IQSEC3: variants seen among roughly 807,000 people sequenced by gnomAD.
IQSEC3 encodes IQ motif and Sec7 domain ArfGEF 3.
IQSEC3 carries 50 observed loss-of-function variants against 105.4 expected under a neutral mutation model. The ratio of observed to expected loss-of-function variants is 0.47; its 90% CI spans 0.38 to 0.60. The LOEUF (loss-of-function observed/expected upper bound fraction) is 0.60. Ranked by LOEUF, IQSEC3 falls within the 20% of genes least tolerant of loss-of-function variation. The probability of loss-of-function intolerance (pLI) is 0.00; values close to 1 mark genes in which losing one functional copy is unlikely to be tolerated. For missense variants in IQSEC3, 1,415 were observed against 1,630.0 expected (o/e 0.87, Z 2.27); for synonymous variants, 708 against 746.0 (o/e 0.95, Z 0.83).
In IQSEC3 at chr12:153,473, G is replaced by GGAAGTGC. The variant is rs1486660384; in HGVS notation, c.2154-3551_2154-3545dup. On this transcript the variant is annotated intron_variant, in intron 5 of 13. Coordinates refer to ENST00000538872, the MANE Select transcript of IQSEC3 (RefSeq NM_001170738.2). ...GGTCCAACCCCCAGCTCTCCAGTGA[G>GGAAGTGC]GAAGTGCCTTCCTCAGGCAGGAGGG... 9.9e-5 allele frequency among the ~76,000 whole-genome samples: 15 copies of GGAAGTGC among 152,284 alleles called. No homozygotes were observed. The South Asian group carries it at 3.1e-3, about 32-fold the overall frequency.
chr12:167,049 C>T (rs1938689489), intron 11 of IQSEC3: 1 of 152,118 alleles, frequency 6.6e-6, no homozygotes, highest in Non-Finnish European at 1.5e-5. Flanking sequence ...AAAATGGGAT[C>T]CATCGGACTG....
chr12:85,238 T>G (rs1242370339), intron 1 of IQSEC3, among the ~76,000 whole-genome samples: 1 of 152,234 alleles, frequency 6.6e-6, no homozygotes, highest in African/African-American at 2.4e-5. Flanking sequence ...CATGCTGCCC[T>G]GGCGCTGTGA....
At chr12:85,672 AG>A (rs1238930339) in intron 1 of IQSEC3, among the ~76,000 whole-genome samples, 2 of 152,218 alleles carry the variant, frequency 1.3e-5, no homozygotes, top group Non-Finnish European at 2.9e-5. Flanking sequence ...GGCATGCTCA[AG>A]TTACAGCCTG....
chr12:125,472 C>CTAG (rs1189193587), intron 2 of IQSEC3, among the ~76,000 whole-genome samples, 161 bp from the exon 3 acceptor site: 6 of 152,158 alleles, frequency 3.9e-5, no homozygotes, highest in Admixed American at 3.9e-4. Context: ...TCATCCCTGC[C>CTAG]ATGGTAGCCC....
chr12:165,336 G>A (rs548431088), intron 9 of IQSEC3, 98 bp from the exon 10 acceptor site: 8 of 845,162 alleles, frequency 9.5e-6, no homozygotes, highest in African/African-American at 6.6e-5. Flanking sequence ...TCATCACTGC[G>A]TGGGTTTGTG....
chr12:108,527 G>A (rs1864760391), intron 2 of IQSEC3, among the ~76,000 whole-genome samples: 1 of 152,228 alleles, frequency 6.6e-6, no homozygotes, highest in African/African-American at 2.4e-5. Context: ...CCATCGAGTA[G>A]TGGAATTTCT....
At chr12:123,372 T>A (rs1378084557) in intron 2 of IQSEC3, among the ~76,000 whole-genome samples, 4 of 151,978 alleles carry the variant, frequency 2.6e-5, no homozygotes, top group Non-Finnish European at 5.9e-5. Flanking sequence ...TCCCAGGAGG[T>A]TGAGGCTGCA....
intron 5 of IQSEC3, among the ~76,000 whole-genome samples, chr12:146,008 TC>T (rs1866252171): frequency 6.6e-6 from 1 of 152,202 alleles, no homozygotes; most frequent in Non-Finnish European, 1.5e-5. Context: ...GTCTGCTCCA[TC>T]CTTTGTTAAA....
intron 1 of IQSEC3, among the ~76,000 whole-genome samples, chr12:79,625 C>A (rs1565380295): frequency 6.6e-6 from 1 of 151,990 alleles, no homozygotes; most frequent in Non-Finnish European, 1.5e-5. Context: ...GAGACGGAGG[C>A]CTCCCTATGT....
In IQSEC3 at chr12:163,594, T is replaced by G; in HGVS notation, c.2684T>G (p.Val895Gly). Residue 895 changes from valine to glycine, a missense_variant, in exon 9 of 14, where the codon GTG becomes GGG. Around this residue, in one of 6 missense-constraint regions of IQSEC3, gnomAD observed 419 missense variants for 436.2 expected, o/e 0.96. Transcript: ENST00000538872. ...AAGCAGGCAGCGCATCAGAGGGAGG[T>G]GTTCCTCTTCAATGACCTGCTGGTG... Reference protein sequence around the residue: ...LQKQAAHQREVFLFNDLLVIL... With the variant: ...LQKQAAHQREGFLFNDLLVIL... 6.4e-7 allele frequency: 1 copy of G among 1,559,174 alleles called. No individual in the cohort carries two copies. Among genetic ancestry groups the G allele is most frequent in the Middle Eastern group, 1.7e-4 (1 of 5,956 alleles).
intron 13 of IQSEC3, chr12:171,450 G>A: frequency 1.2e-6 from 1 of 805,860 alleles, no homozygotes; most frequent in Non-Finnish European, 2.0e-6. Context: ...GGCACCCTAG[G>A]GCCATCCTTC....
In IQSEC3 at chr12:165,528, A is replaced by ACGAGTGTAAGTCTTTGACAG; in HGVS notation, c.2806_2809+16dup. 1 of 1,608,158 alleles carries ACGAGTGTAAGTCTTTGACAG rather than the reference A, an allele frequency of 6.2e-7. No individual in the cohort carries two copies. On this transcript the variant is annotated frameshift_variant, in exon 10 of 14. Transcript: ENST00000538872. LOFTEE classifies it high-confidence loss of function. ...GGCATGCAGTTCCAGCTCTTTGAGA[A>ACGAGTGTAAGTCTTTGACAG]CGAGTGTAAGTCTTTGACAGCCAGT... is the stretch of plus-strand genomic sequence containing the variant.
chr12:157,270 C>T (rs1866723280), intron 6 of IQSEC3, 123 bp downstream of exon 6: 2 of 1,349,370 alleles, frequency 1.5e-6, no homozygotes, highest in Non-Finnish European at 9.9e-7. Context: ...AACACCCCTT[C>T]TGGTGTGGGC....
chr12:71,747 C>T (rs1863328153), intron 1 of IQSEC3, among the ~76,000 whole-genome samples: 1 of 152,290 alleles, frequency 6.6e-6, no homozygotes, highest in South Asian at 2.1e-4. Context: ...GGGACTTTGT[C>T]TACCTTGTGC....
chr12:161,028 T>C (rs1866870252), intron 7 of IQSEC3, among the ~76,000 whole-genome samples: 1 of 152,158 alleles, frequency 6.6e-6, no homozygotes, highest in South Asian at 2.1e-4. Flanking sequence ...TCTTTCAGCC[T>C]CCTTGGCTGC....
At chr12:148,632 C>A (rs1866380184) in intron 5 of IQSEC3, 1 of 152,184 alleles carries the variant, frequency 6.6e-6, no homozygotes, top group Admixed American at 6.5e-5. Context: ...AACGCCTTGA[C>A]CTTTGTTGAG....
chr12:145,661 C>T (rs532447568), intron 5 of IQSEC3, among the ~76,000 whole-genome samples: 5 of 152,316 alleles, frequency 3.3e-5, no homozygotes, highest in South Asian at 2.1e-4. Flanking sequence ...CTGAGAGTCA[C>T]GCGGTGGCAG....
rs549987535 is a variant in IQSEC3, at chr12:152,342, C to G, written c.2154-4683C>G. ...CTGTGTCCACGGGCTTCTCCTTGGCCTCTCACAGGTCCCCACCAAGCCATC... is the reference window on the plus strand; with the variant it reads ...CTGTGTCCACGGGCTTCTCCTTGGCGTCTCACAGGTCCCCACCAAGCCATC... On this transcript the variant is annotated intron_variant, in intron 5 of 13. Coordinates refer to ENST00000538872, the MANE Select transcript of IQSEC3 (RefSeq NM_001170738.2). The surrounding 1 kb of genome is among the most constrained non-coding windows in gnomAD (Gnocchi z 4.8). 6.6e-6 allele frequency among the ~76,000 whole-genome samples: 1 copy of G among 152,324 alleles called. No homozygotes were observed. The highest frequency in any genetic ancestry group is 1.9e-4 in the East Asian group (1 of 5,184).
In IQSEC3 at chr12:109,970, A is replaced by T. The variant is rs555987627; in HGVS notation, c.623+10756A>T. ...CCCTGGCCCCTGACAATCTGCAAAGATGGACAGCTCTGTCGAAACAACAAA... is the reference window on the plus strand; with the variant it reads ...CCCTGGCCCCTGACAATCTGCAAAGTTGGACAGCTCTGTCGAAACAACAAA... On this transcript the variant is annotated intron_variant, in intron 2 of 13. Coordinates refer to ENST00000538872, the MANE Select transcript of IQSEC3 (RefSeq NM_001170738.2). 5.9e-5 allele frequency among the ~76,000 whole-genome samples: 9 copies of T among 152,286 alleles called. 1 individual carries two copies. The South Asian group carries it at 1.9e-3, about 32-fold the overall frequency.
Sources: gnomAD v4.1 joint callset for allele counts (sites outside exome capture counted in the v4.1 genomes callset) on GRCh38, gnomAD v4.1.1 for gene constraint, gnomAD v4.1.1 regional missense constraint, Gnocchi (gnomAD v3.1) non-coding constraint, MANE v1.5 for transcripts, NCBI Gene and HGNC (gene_info 2026-07-23, HGNC 2026-07-21) for gene names.